LEKR1: variants seen among roughly 807,000 people sequenced by gnomAD.
LEKR1 encodes leucine, glutamate and lysine rich 1, also known as protein LEKR1.
In LEKR1, 59 loss-of-function variants were observed where a neutral mutation model predicts 72.4. The observed-to-expected ratio is 0.82, with a 90% CI of 0.66 to 1.01. The LOEUF (loss-of-function observed/expected upper bound fraction) is 1.01. Among genes scored for constraint, LEKR1 ranks in the 50% least tolerant of loss-of-function variants. The pLI, the probability that LEKR1 is intolerant of heterozygous loss-of-function variation, is 0.00. For missense variants in LEKR1, 728 were observed against 759.2 expected (o/e 0.96, Z 0.48); for synonymous variants, 257 against 263.2 (o/e 0.98, Z 0.23).
intron 11 of LEKR1, among the ~76,000 whole-genome samples, chr3:157,025,565 G>C (rs1393769476): frequency 6.6e-6 from 1 of 152,104 alleles, no homozygotes; most frequent in Non-Finnish European, 1.5e-5. Context: ...AGACCTAATG[G>C]CTTCTACATT....
intron 3 of LEKR1, among the ~76,000 whole-genome samples, chr3:156,885,952 A>G (rs931972229): frequency 6.6e-6 from 1 of 152,208 alleles, no homozygotes; most frequent in Non-Finnish European, 1.5e-5. Context: ...AGGGGGCTGT[A>G]AGCTTGCCCT....
intron 2 of LEKR1, among the ~76,000 whole-genome samples, chr3:156,830,291 G>A (rs1712207909): frequency 1.3e-5 from 2 of 152,154 alleles, no homozygotes; most frequent in South Asian, 4.1e-4. Flanking sequence ...AAGTTCTTGT[G>A]TATTTTTCAT....
At chr3:157,004,847 A>C (rs1267225143) in intron 9 of LEKR1, among the ~76,000 whole-genome samples, 1 of 152,052 alleles carries the variant, frequency 6.6e-6, no homozygotes, top group Non-Finnish European at 1.5e-5. Flanking sequence ...TGTCTATGTG[A>C]AAAAAGAAAA....
chr3:156,829,481 G>T (rs574522255), intron 2 of LEKR1, 104 bp downstream of exon 2: 13 of 682,194 alleles, frequency 1.9e-5, no homozygotes, highest in Non-Finnish European at 2.9e-5. Context: ...CATAGGATCT[G>T]AATGAATTGG....
intron 6 of LEKR1, among the ~76,000 whole-genome samples, chr3:156,971,059 T>C (rs1490253013): frequency 1.3e-5 from 2 of 152,060 alleles, no homozygotes; most frequent in Non-Finnish European, 2.9e-5. Context: ...AGAACAAAGC[T>C]GGAGGCATCA....
intron 9 of LEKR1, among the ~76,000 whole-genome samples, chr3:157,010,919 T>C (rs1025486656): frequency 6.6e-6 from 1 of 152,136 alleles, no homozygotes; most frequent in Non-Finnish European, 1.5e-5. Context: ...TTTGTTCCTA[T>C]CAATATTTGA....
chr3:156,923,637 CAT>C (rs1408434001), intron 4 of LEKR1, among the ~76,000 whole-genome samples: 3 of 152,096 alleles, frequency 2.0e-5, no homozygotes, highest in Non-Finnish European at 4.4e-5. Context: ...TGTAAACATT[CAT>C]ATACAAGTCT....
At chr3:156,829,041 T>C (rs1027551913) in intron 1 of LEKR1, among the ~76,000 whole-genome samples, 10 of 152,316 alleles carry the variant, frequency 6.6e-5, no homozygotes, top group African/African-American at 2.4e-4. Context: ...GACTATAAAG[T>C]TCTAACAAAA....
intron 7 of LEKR1, among the ~76,000 whole-genome samples, chr3:156,982,562 A>G (rs1249427657): frequency 6.6e-6 from 1 of 152,192 alleles, no homozygotes; most frequent in Non-Finnish European, 1.5e-5. Flanking sequence ...CTTAGAACAA[A>G]TAATAATTGG....
chr3:156,978,019 G>A (rs182226333), intron 6 of LEKR1, among the ~76,000 whole-genome samples: 4 of 152,230 alleles, frequency 2.6e-5, no homozygotes, highest in African/African-American at 7.2e-5. Flanking sequence ...TCCTTACCAT[G>A]GGTGACCTAA....
At chr3:156,986,424 G>A (rs1730689485) in intron 7 of LEKR1, among the ~76,000 whole-genome samples, 1 of 152,210 alleles carries the variant, frequency 6.6e-6, no homozygotes, top group Admixed American at 6.5e-5. Flanking sequence ...ATGCAAGTGA[G>A]AAGTAATTAT....
intron 12 of LEKR1, among the ~76,000 whole-genome samples, chr3:157,033,260 G>A (rs1734746403): frequency 6.6e-6 from 1 of 152,190 alleles, no homozygotes; most frequent in Non-Finnish European, 1.5e-5. Flanking sequence ...AAATGATTAA[G>A]CTTAGCAAGG....
intron 11 of LEKR1, among the ~76,000 whole-genome samples, chr3:157,025,519 A>T (rs373660753): frequency 6.6e-6 from 1 of 152,148 alleles, no homozygotes; most frequent in African/African-American, 2.4e-5. Context: ...TTTTGAATAC[A>T]TGCATTAAGA....
chr3:156,837,560 T>C (rs1048654382), intron 2 of LEKR1, among the ~76,000 whole-genome samples: 1 of 152,212 alleles, frequency 6.6e-6, no homozygotes, highest in African/African-American at 2.4e-5. Context: ...GCATTGGGCT[T>C]ATAGGGATCC....
At position 156,918,543 on chromosome 3, in the gene LEKR1, A is replaced by G. The variant is rs1286361445; in HGVS notation, c.264-2032A>G. Among the ~76,000 whole-genome samples, 4 of 152,138 alleles carry G rather than the reference A, an allele frequency of 2.6e-5. No individual in the cohort carries two copies. In the South Asian group the frequency reaches 6.2e-4, roughly 24 times the overall value. On this transcript the variant is annotated intron_variant, in intron 3 of 12. Transcript: ENST00000356539. Reference sequence around the variant, plus strand: ...AAAGATGATAGACCAGAGAGTTGGAAGGATATGAGGCCCTATATGATATTA... The same window carrying G: ...AAAGATGATAGACCAGAGAGTTGGAGGGATATGAGGCCCTATATGATATTA...
At chr3:156,867,385 CA>C (rs1174996262) in intron 3 of LEKR1, among the ~76,000 whole-genome samples, 8 of 151,974 alleles carry the variant, frequency 5.3e-5, no homozygotes, top group Non-Finnish European at 8.8e-5. Flanking sequence ...TTCTATATGT[CA>C]AAAAAGTCTA....
intron 3 of LEKR1, among the ~76,000 whole-genome samples, chr3:156,906,884 A>G (rs967710614): frequency 1.6e-4 from 24 of 152,152 alleles, no homozygotes; most frequent in African/African-American, 5.8e-4. Context: ...AAAACGTTTT[A>G]TAAAAATGGA....
intron 3 of LEKR1, among the ~76,000 whole-genome samples, chr3:156,876,145 A>G (rs1718548233): frequency 6.6e-6 from 1 of 151,778 alleles, no homozygotes; most frequent in African/African-American, 2.4e-5. Flanking sequence ...GGCTGTAAGT[A>G]TTTGGCTTTA....
intron 9 of LEKR1, among the ~76,000 whole-genome samples, chr3:156,993,642 T>C (rs1731316344): frequency 6.6e-6 from 1 of 152,178 alleles, no homozygotes; most frequent in East Asian, 1.9e-4. Context: ...AGAAAAGATC[T>C]TTTTATATCA....
Sources: allele counts gnomAD v4.1 joint callset (sites outside exome capture counted in the v4.1 genomes callset), GRCh38; gene constraint gnomAD v4.1.1; transcripts MANE v1.5; gene names NCBI Gene and HGNC (gene_info 2026-07-23, HGNC 2026-07-21).